AKR1C4: variants seen among roughly 807,000 people sequenced by gnomAD.
The protein encoded by AKR1C4 is 3-alpha-HSD1.
In AKR1C4, 44 loss-of-function variants were observed where a neutral mutation model predicts 41.0. The ratio of observed to expected loss-of-function variants is 1.07; its 90% CI spans 0.84 to 1.38. The LOEUF is 1.38. AKR1C4 is among the 40% of genes most tolerant of loss of function. The pLI is 0.00. For synonymous variants in AKR1C4, 165 were observed against 137.7 expected (o/e 1.20, Z -1.39); for missense variants, 438 against 387.9 (o/e 1.13, Z -1.09).
At chr10:5,207,166 TG>T (rs1832502631) in intron 5 of AKR1C4, 2 of 188,154 alleles carry the variant, frequency 1.1e-5, no homozygotes, top group African/African-American at 2.4e-5. Context: ...CAGCTGGAAA[TG>T]GGGGAATGGG....
chr10:5,213,546 A>G (rs1309085278), intron 7 of AKR1C4, among the ~76,000 whole-genome samples: 1 of 152,130 alleles, frequency 6.6e-6, no homozygotes, highest in Non-Finnish European at 1.5e-5. Flanking sequence ...TCTTAGAATT[A>G]TTTGTTGAGT....
intron 4 of AKR1C4, 59 bp from the exon 5 acceptor site, chr10:5,206,216 A>AT: frequency 6.2e-7 from 1 of 1,611,548 alleles, no homozygotes; most frequent in African/African-American, 1.3e-5. Context: ...TCTGTCTTGC[A>AT]TTTATCATAA....
At chr10:5,206,898 C>T (rs1168658070) in intron 5 of AKR1C4, among the ~76,000 whole-genome samples, 1 of 152,082 alleles carries the variant, frequency 6.6e-6, no homozygotes, top group Non-Finnish European at 1.5e-5. Flanking sequence ...AGTTCTTGAG[C>T]AGGTACTAAA....
intron 3 of AKR1C4, among the ~76,000 whole-genome samples, chr10:5,204,958 C>A (rs1832462509): frequency 6.6e-6 from 1 of 152,156 alleles, no homozygotes; most frequent in African/African-American, 2.4e-5. Flanking sequence ...AGAATCCTTG[C>A]CTTTTTCACT....
At chr10:5,213,484 T>A (rs1201149936) in intron 7 of AKR1C4, among the ~76,000 whole-genome samples, 1 of 152,174 alleles carries the variant, frequency 6.6e-6, no homozygotes, top group Non-Finnish European at 1.5e-5. Flanking sequence ...CAAAAATCAT[T>A]GCAGATTTTT....
intron 6 of AKR1C4, 61 bp downstream of exon 6, chr10:5,212,786 G>A: frequency 6.5e-7 from 1 of 1,543,096 alleles, no homozygotes; most frequent in Non-Finnish European, 8.9e-7. Context: ...TTTAGTTATA[G>A]CATACTCAGT....
Position 5,204,467 on chromosome 10 carries a change from C to G in AKR1C4, c.343C>G (p.Leu115Val). The G allele has an allele frequency of 6.2e-7, 1 of 1,613,464 alleles. No homozygotes were observed. Among genetic ancestry groups the G allele is most frequent in the Non-Finnish European group, 8.5e-7 (1 of 1,179,432 alleles). The change falls in exon 3 of 9, where the codon CTT (leucine) becomes GTT (valine). Residue 115 changes from leucine (L) to valine (V), a missense_variant. By Grantham distance (32) the Leu-to-Val change is conservative. Transcript: ENST00000263126. ...KLQLDYVDLY[L>V]LHFPMALKPG... is the part of the protein sequence containing the mutation. ...TCAACTGGACTATGTTGACCTCTAT[C>G]TTCTTCATTTCCCAATGGCTCTCAA...
intron 4 of AKR1C4, 137 bp from the exon 5 acceptor site, chr10:5,206,138 G>T: frequency 6.9e-7 from 1 of 1,450,110 alleles, no homozygotes; most frequent in Non-Finnish European, 9.3e-7. Flanking sequence ...GTTATCTGTT[G>T]TAATTTTTTC....
At chr10:5,203,535 A>G (rs1376922505) in intron 2 of AKR1C4, among the ~76,000 whole-genome samples, 2 of 152,190 alleles carry the variant, frequency 1.3e-5, no homozygotes, top group Non-Finnish European at 2.9e-5. Flanking sequence ...GGGGAAGAGT[A>G]TTCTGGAGGC....
intron 5 of AKR1C4, among the ~76,000 whole-genome samples, chr10:5,211,206 T>C (rs1429121705): frequency 1.3e-5 from 2 of 152,216 alleles, no homozygotes; most frequent in Non-Finnish European, 2.9e-5. Context: ...ATTTTCCCCA[T>C]TGTCTTGGTG....
Position 5,214,469 on chromosome 10 carries a change from C to G in AKR1C4, c.846+1310C>G, listed in dbSNP as rs1832625323. Among the ~76,000 whole-genome samples, 3 of 152,186 alleles carry G rather than the reference C, an allele frequency of 2.0e-5. 1 individual carries two copies. The South Asian group carries it at 6.2e-4, about 32-fold the overall frequency. Reference sequence around the variant, plus strand: ...AACAAAAGGGCTAATATTTTGTTCTCTGGCTGAAATTGCTGTGAAACTGCA... The same window carrying G: ...AACAAAAGGGCTAATATTTTGTTCTGTGGCTGAAATTGCTGTGAAACTGCA... On this transcript the variant is annotated intron_variant, in intron 7 of 8. Coordinates refer to ENST00000263126, the MANE Select transcript of AKR1C4 (RefSeq NM_001818.5).
chr10:5,212,322 T>TTCAA (rs1302117820), intron 5 of AKR1C4, among the ~76,000 whole-genome samples: 1 of 152,220 alleles, frequency 6.6e-6, no homozygotes, highest in African/African-American at 2.4e-5. Context: ...CAATTTGATG[T>TTCAA]TCAAAGCTCA....
intron 2 of AKR1C4, among the ~76,000 whole-genome samples, chr10:5,200,628 G>A (rs1227370697): frequency 1.3e-5 from 2 of 152,142 alleles, no homozygotes; most frequent in African/African-American, 4.8e-5. Flanking sequence ...AATTTCAACA[G>A]GTTTTGGGGT....
At chr10:5,202,565 G>T in intron 2 of AKR1C4, 1 of 425,964 alleles carries the variant, frequency 2.3e-6, no homozygotes, top group Non-Finnish European at 4.7e-6. Context: ...GTAAAAATTG[G>T]GCATCCTTGT....
rs782018320 is a variant in AKR1C4 at position 5,204,362 on chromosome 10, T to C, written c.253-15T>C. 3 of 1,569,554 alleles carry C rather than the reference T, an allele frequency of 1.9e-6. No homozygotes were observed. The highest frequency in any genetic ancestry group is 2.6e-6 in the Non-Finnish European group (3 of 1,143,124). ...ATGTTTTTATTCAACATAAATCCTT[T>C]ATTTTACCATGCAGCTTTGGTGCAC... On this transcript the variant is annotated splice_polypyrimidine_tract_variant and intron_variant, in intron 2 of 8. Coordinates refer to ENST00000263126, the MANE Select transcript of AKR1C4 (RefSeq NM_001818.5).
chr10:5,215,082 C>T (rs1264052230), intron 7 of AKR1C4, among the ~76,000 whole-genome samples: 1 of 152,120 alleles, frequency 6.6e-6, no homozygotes, highest in East Asian at 1.9e-4. Flanking sequence ...CTGTATAATG[C>T]TGCAGACAAA....
At chr10:5,212,495 G>A in intron 5 of AKR1C4, 121 bp from the exon 6 acceptor site, 1 of 901,300 alleles carries the variant, frequency 1.1e-6, no homozygotes, top group South Asian at 2.4e-5. Context: ...TAAAATGATT[G>A]TTACTTGACA....
At chr10:5,214,755 ATTG>A (rs1490294509) in intron 7 of AKR1C4, among the ~76,000 whole-genome samples, 1 of 151,768 alleles carries the variant, frequency 6.6e-6, no homozygotes, top group African/African-American at 2.4e-5. Flanking sequence ...AGACTCATCA[ATTG>A]TTAAATTGAT....
In AKR1C4 at chr10:5,214,726, C is replaced by T. The variant is rs78395819; in HGVS notation, c.846+1567C>T. ...AATCTATGCAAATATTCTAAGAATA[C>T]AATGAATGCTTCTTACCTAGACTCA... On this transcript the variant is annotated intron_variant, in intron 7 of 8. Transcript: ENST00000263126. 7.6e-4 allele frequency among the ~76,000 whole-genome samples: 116 copies of T among 152,218 alleles called. 2 individuals carry two copies. The East Asian group carries it at 0.02, about 26-fold the overall frequency.
Sources: allele counts gnomAD v4.1 joint callset (sites outside exome capture counted in the v4.1 genomes callset), GRCh38; gene constraint gnomAD v4.1.1; transcripts MANE v1.5; gene names NCBI Gene and HGNC (gene_info 2026-07-23, HGNC 2026-07-21).